EDIL3: variants seen among roughly 807,000 people sequenced by gnomAD.
EDIL3 encodes the protein EGF like and discoidin domains 3.
Under a neutral mutation model 67.4 loss-of-function variants are expected in EDIL3, and 37 were observed. That is an observed-to-expected ratio of 0.55 (90% confidence interval 0.42 to 0.72). EDIL3 has a LOEUF of 0.72. Ranked by LOEUF, EDIL3 falls within the 30% of genes least tolerant of loss-of-function variation. The pLI, the probability that EDIL3 is intolerant of heterozygous loss-of-function variation, is 0.00. For missense variants in EDIL3, 527 were observed against 586.3 expected (o/e 0.90, Z 1.04); for synonymous variants, 195 against 196.3 (o/e 0.99, Z 0.05).
At chr5:84,238,146 GGTGTGT>G (rs150829568) in intron 2 of EDIL3, among the ~76,000 whole-genome samples, 1 of 150,764 alleles carries the variant, frequency 6.6e-6, no homozygotes, top group African/African-American at 2.4e-5. Context: ...CTTGGCAAAC[GGTGTGT>G]GTGTGTGTGT....
intron 4 of EDIL3, among the ~76,000 whole-genome samples, chr5:84,159,285 C>A (rs1748562234): frequency 6.6e-6 from 1 of 152,016 alleles, no homozygotes; most frequent in South Asian, 2.1e-4. Flanking sequence ...GTCATTGTTA[C>A]AGGTATTTCT....
chr5:84,233,351 C>T (rs545894558), intron 2 of EDIL3, among the ~76,000 whole-genome samples: 10 of 152,208 alleles, frequency 6.6e-5, no homozygotes, highest in East Asian at 1.9e-4. Context: ...ATAATCGCCA[C>T]GAACACTAAA....
At chr5:84,174,477 C>T (rs577734460) in intron 4 of EDIL3, among the ~76,000 whole-genome samples, 33 of 152,154 alleles carry the variant, frequency 2.2e-4, no homozygotes, top group Non-Finnish European at 3.8e-4. Flanking sequence ...GAGGGGGTAC[C>T]TATTTTCCAT....
chr5:84,066,802 T>A (rs374842522), intron 6 of EDIL3, among the ~76,000 whole-genome samples, 196 bp from the exon 7 acceptor site: 1 of 152,202 alleles, frequency 6.6e-6, no homozygotes, highest in Non-Finnish European at 1.5e-5. Context: ...TGGAATACTA[T>A]TTTTAAGTAA....
chr5:84,341,085 T>C (rs1228937155), intron 1 of EDIL3, among the ~76,000 whole-genome samples: 1 of 152,016 alleles, frequency 6.6e-6, no homozygotes, highest in Non-Finnish European at 1.5e-5. Context: ...CAACTACATT[T>C]CCTTTCCAGC....
At chr5:84,167,075 T>A (rs1748717678) in intron 4 of EDIL3, among the ~76,000 whole-genome samples, 2 of 152,150 alleles carry the variant, frequency 1.3e-5, no homozygotes, top group Non-Finnish European at 2.9e-5. Context: ...AACACAGAAA[T>A]GACTTATTAC....
At chr5:84,073,155 G>A (rs183437785) in intron 6 of EDIL3, among the ~76,000 whole-genome samples, 1 of 152,190 alleles carries the variant, frequency 6.6e-6, no homozygotes, top group East Asian at 1.9e-4. Context: ...AACTCTTCAT[G>A]CTAAAAACTC....
At chr5:84,328,541 G>C (rs1471851738) in intron 1 of EDIL3, among the ~76,000 whole-genome samples, 1 of 151,990 alleles carries the variant, frequency 6.6e-6, no homozygotes, top group Non-Finnish European at 1.5e-5. Flanking sequence ...TTCTGAAATG[G>C]ATAGAAGGGT....
At chr5:84,309,635 T>C (rs550366607) in intron 1 of EDIL3, among the ~76,000 whole-genome samples, 23 of 152,212 alleles carry the variant, frequency 1.5e-4, no homozygotes, top group Admixed American at 1.4e-3. Context: ...AGAATGATGA[T>C]TTCCACTTTC....
chr5:84,035,254 T>C (rs1746001452), intron 9 of EDIL3, among the ~76,000 whole-genome samples: 1 of 152,178 alleles, frequency 6.6e-6, no homozygotes, highest in South Asian at 2.1e-4. Flanking sequence ...GTCATTATAA[T>C]GACTAAATCT....
intron 1 of EDIL3, among the ~76,000 whole-genome samples, chr5:84,274,549 A>G (rs1348939593): frequency 6.6e-6 from 1 of 152,236 alleles, no homozygotes; most frequent in African/African-American, 2.4e-5. Flanking sequence ...ACTATTCATC[A>G]GAAAAAATAA....
intron 1 of EDIL3, among the ~76,000 whole-genome samples, chr5:84,273,802 C>T (rs1745521017): frequency 6.6e-6 from 1 of 152,168 alleles, no homozygotes; most frequent in South Asian, 2.1e-4. Context: ...TTCTTTCACG[C>T]CTCTAAATAG....
chr5:84,117,371 T>G (rs577433211), intron 5 of EDIL3, among the ~76,000 whole-genome samples: 2 of 152,158 alleles, frequency 1.3e-5, no homozygotes, highest in South Asian at 4.1e-4. Flanking sequence ...GTAAAAACAA[T>G]ATACAGAATT....
At chr5:84,159,489 A>C (rs958110499) in intron 4 of EDIL3, among the ~76,000 whole-genome samples, 4 of 152,160 alleles carry the variant, frequency 2.6e-5, no homozygotes, top group African/African-American at 9.6e-5. Flanking sequence ...ATTGTTAAGT[A>C]TATTTTTTTC....
chr5:84,361,133 T>C (rs1747588141), intron 1 of EDIL3, among the ~76,000 whole-genome samples: 1 of 152,182 alleles, frequency 6.6e-6, no homozygotes, highest in East Asian at 1.9e-4. Context: ...CAAGCGATGG[T>C]TGTGATGATG....
chr5:84,273,882 G>A (rs951051489), intron 1 of EDIL3, among the ~76,000 whole-genome samples: 2 of 151,932 alleles, frequency 1.3e-5, no homozygotes, highest in African/African-American at 4.8e-5. Context: ...ACCCTGTTTT[G>A]ACACCTGCAC....
Position 84,229,866 on chromosome 5 carries a change from G to C in EDIL3, c.215C>G (p.Pro72Arg). Reference sequence around the variant, plus strand: ...CATAGGAACTTTACCTGCTGAAGTTGGTTCTTCTTCATCTGATGCTATGAT... The same window carrying C: ...CATAGGAACTTTACCTGCTGAAGTTCGTTCTTCTTCATCTGATGCTATGAT... ...VVEVASDEEE[P>R]TSAGPCTPNP... Residue 72 changes from proline (P) to arginine (R), a missense_variant, in exon 3 of 11, where the codon CCA (proline) becomes CGA (arginine). Physicochemically the swap from Pro to Arg is moderately radical, Grantham distance 103. This residue lies in a region of EDIL3 where 494 missense variants were observed against 522.5 expected (regional missense o/e 0.95). Coordinates refer to ENST00000296591, the MANE Select transcript of EDIL3 (RefSeq NM_005711.5). The C allele has an allele frequency of 1.2e-6, 2 of 1,603,774 alleles. No individual in the cohort carries two copies. Among genetic ancestry groups the C allele is most frequent in the Non-Finnish European group, 1.7e-6 (2 of 1,174,014 alleles).
chr5:84,044,161 G>A (rs1318974568), intron 9 of EDIL3, among the ~76,000 whole-genome samples: 1 of 151,974 alleles, frequency 6.6e-6, no homozygotes, highest in African/African-American at 2.4e-5. Flanking sequence ...TGCGGTGTTT[G>A]GTTTCCTGTT....
intron 10 of EDIL3, among the ~76,000 whole-genome samples, chr5:83,955,922 A>C (rs1744506691): frequency 6.6e-6 from 1 of 151,852 alleles, no homozygotes; most frequent in African/African-American, 2.4e-5. Context: ...GAACTAATAT[A>C]CAAAGGATTT....
Sources: gnomAD v4.1 joint callset for allele counts (sites outside exome capture counted in the v4.1 genomes callset) on GRCh38, gnomAD v4.1.1 for gene constraint, gnomAD v4.1.1 regional missense constraint, MANE v1.5 for transcripts, NCBI Gene and HGNC (gene_info 2026-07-23, HGNC 2026-07-21) for gene names.